RANBP17: variants seen among roughly 807,000 people sequenced by gnomAD.
RANBP17 encodes the protein RAN binding protein 17.
Under a neutral mutation model 141.2 loss-of-function variants are expected in RANBP17, and 158 were observed. The observed-to-expected ratio is 1.12, with a 90% CI of 0.98 to 1.28. The LOEUF is 1.28. RANBP17 is among the 50% of genes most tolerant of loss of function. The pLI is 0.00. For synonymous variants in RANBP17, 430 were observed against 450.0 expected (o/e 0.96, Z 0.56); for missense variants, 1,438 against 1,290.7 (o/e 1.11, Z -1.75).
rs545141435 is a variant in RANBP17 at position 171,149,121 on chromosome 5, A to G, written c.1711-21009A>G. On this transcript the variant is annotated intron_variant, in intron 14 of 27. Coordinates refer to ENST00000523189, the MANE Select transcript of RANBP17 (RefSeq NM_022897.5). ...TTTACCTACTGTCTTCACCCATTCT[A>G]TAAAATCACCTCAACTTCCCTGGCC... Among the ~76,000 whole-genome samples the G allele has an allele frequency of 2.0e-5, 3 of 152,322 alleles. No individual in the cohort carries two copies. In the East Asian group the frequency reaches 5.8e-4, roughly 29 times the overall value.
chr5:171,061,267 T>C (rs1373911578), intron 14 of RANBP17, among the ~76,000 whole-genome samples: 7 of 150,252 alleles, frequency 4.7e-5, no homozygotes, highest in Admixed American at 6.7e-5. Flanking sequence ...GTGTCAATTT[T>C]GGATCTTTCC....
intron 3 of RANBP17, among the ~76,000 whole-genome samples, chr5:170,882,717 G>C (rs780064190): frequency 6.6e-6 from 1 of 152,166 alleles, no homozygotes; most frequent in Non-Finnish European, 1.5e-5. Context: ...TAAAATAAAA[G>C]CAGGTTCTTA....
intron 25 of RANBP17, among the ~76,000 whole-genome samples, chr5:171,293,307 T>C (rs978461515): frequency 1.1e-4 from 16 of 152,212 alleles, no homozygotes; most frequent in African/African-American, 3.9e-4. Flanking sequence ...AGGCTGAATT[T>C]AAGAGAACGG....
chr5:171,073,274 G>A (rs1193791243), intron 14 of RANBP17, among the ~76,000 whole-genome samples: 2 of 152,112 alleles, frequency 1.3e-5, no homozygotes, highest in Non-Finnish European at 2.9e-5. Context: ...AGTGGTAGGG[G>A]GGAAAGGAAC....
At chr5:171,183,506 T>A (rs1761015481) in intron 18 of RANBP17, 76 bp downstream of exon 18, 2 of 949,096 alleles carry the variant, frequency 2.1e-6, no homozygotes, top group African/African-American at 3.2e-5. Flanking sequence ...GGAGTACTAG[T>A]GGGTACAACA....
At chr5:171,068,118 C>G (rs980895124) in intron 14 of RANBP17, among the ~76,000 whole-genome samples, 1 of 152,046 alleles carries the variant, frequency 6.6e-6, no homozygotes, top group African/African-American at 2.4e-5. Context: ...TTCCCTGTTT[C>G]CAAGTTCACT....
chr5:171,012,900 A>G (rs774974975), intron 14 of RANBP17, among the ~76,000 whole-genome samples: 41 of 152,292 alleles, frequency 2.7e-4, no homozygotes, highest in Admixed American at 2.6e-3. Context: ...AATTCCTTCT[A>G]TCATACATTT....
At chr5:170,978,727 A>G (rs79248653) in intron 14 of RANBP17, among the ~76,000 whole-genome samples, 2,435 of 152,280 alleles carry the variant, frequency 0.016, 36 homozygotes, top group Non-Finnish European at 0.023. Context: ...TGACTGGGAA[A>G]GTGAACTAAG....
At chr5:171,127,125 C>T (rs1158167459) in intron 14 of RANBP17, among the ~76,000 whole-genome samples, 1 of 152,054 alleles carries the variant, frequency 6.6e-6, no homozygotes, top group African/African-American at 2.4e-5. Flanking sequence ...GATAATAGAC[C>T]ATAATCAAGC....
chr5:171,005,403 C>T (rs887357687), intron 14 of RANBP17, among the ~76,000 whole-genome samples: 1 of 152,072 alleles, frequency 6.6e-6, no homozygotes, highest in Non-Finnish European at 1.5e-5. Flanking sequence ...GAGATATAGA[C>T]CAATGGAACA....
chr5:171,025,435 G>T (rs757812293), intron 14 of RANBP17, among the ~76,000 whole-genome samples: 1 of 152,128 alleles, frequency 6.6e-6, no homozygotes, highest in East Asian at 1.9e-4. Context: ...GTCTTTGCAT[G>T]TATTGTTTCT....
intron 14 of RANBP17, among the ~76,000 whole-genome samples, chr5:170,999,673 A>G (rs937646270): frequency 6.6e-6 from 1 of 152,216 alleles, no homozygotes; most frequent in Non-Finnish European, 1.5e-5. Context: ...AATTTTTAAT[A>G]TAGTTGCTAT....
At chr5:171,022,617 G>A (rs1205182843) in intron 14 of RANBP17, among the ~76,000 whole-genome samples, 2 of 152,192 alleles carry the variant, frequency 1.3e-5, no homozygotes, top group East Asian at 1.9e-4. Context: ...ACATGTCTTC[G>A]TACCAAGCCT....
chr5:170,890,971 G>T (rs1470192025), intron 3 of RANBP17, among the ~76,000 whole-genome samples: 2 of 152,130 alleles, frequency 1.3e-5, no homozygotes, highest in African/African-American at 4.8e-5. Context: ...GACTGTAGGC[G>T]CATGTCACAA....
At chr5:171,166,125 T>A (rs904069171) in intron 14 of RANBP17, among the ~76,000 whole-genome samples, 3 of 152,174 alleles carry the variant, frequency 2.0e-5, no homozygotes, top group Non-Finnish European at 4.4e-5. Context: ...ATTTCTGCTC[T>A]CAGGGAGCTT....
intron 14 of RANBP17, among the ~76,000 whole-genome samples, chr5:171,073,269 TA>T (rs1324744466): frequency 6.6e-6 from 1 of 152,028 alleles, no homozygotes; most frequent in Non-Finnish European, 1.5e-5. Flanking sequence ...ATGAAAGTGG[TA>T]GGGGGGAAAG....
chr5:171,259,269 G>A (rs1766126401), intron 24 of RANBP17, among the ~76,000 whole-genome samples: 1 of 152,148 alleles, frequency 6.6e-6, no homozygotes, highest in Non-Finnish European at 1.5e-5. Flanking sequence ...ACTGTTGGTG[G>A]GAATGTAAAC....
intron 14 of RANBP17, among the ~76,000 whole-genome samples, chr5:171,006,432 T>G (rs1042699627): frequency 2.6e-5 from 4 of 152,286 alleles, no homozygotes; most frequent in Non-Finnish European, 5.9e-5. Flanking sequence ...AATTATGAGT[T>G]GATGTCCTTT....
intron 14 of RANBP17, among the ~76,000 whole-genome samples, chr5:171,151,708 A>G (rs1758494973): frequency 6.6e-6 from 1 of 152,198 alleles, no homozygotes; most frequent in African/African-American, 2.4e-5. Flanking sequence ...GCATTCTTAT[A>G]TAATTAACCT....
Sources: gnomAD v4.1 joint callset for allele counts (sites outside exome capture counted in the v4.1 genomes callset) on GRCh38, gnomAD v4.1.1 for gene constraint, MANE v1.5 for transcripts, NCBI Gene and HGNC (gene_info 2026-07-23, HGNC 2026-07-21) for gene names.